Variants in AKAP10 observed in about 807,000 individuals in gnomAD.
AKAP10 encodes the protein A-kinase anchoring protein 10.
AKAP10 carries 24 observed loss-of-function variants against 80.8 expected under a neutral mutation model. That is an observed-to-expected ratio of 0.30 (90% CI 0.22 to 0.42). The LOEUF (loss-of-function observed/expected upper bound fraction) is 0.42, where lower values mean the gene tolerates loss of function less well. Ranked by LOEUF, AKAP10 falls within the 10% of genes least tolerant of loss-of-function variation. AKAP10 has a pLI of 1.00. For synonymous variants in AKAP10, 291 were observed against 277.7 expected (o/e 1.05, Z -0.48); for missense variants, 661 against 794.9 (o/e 0.83, Z 2.03).
At chr17:19,948,912 T>G (rs1388745894) in intron 4 of AKAP10, among the ~76,000 whole-genome samples, 1 of 152,198 alleles carries the variant, frequency 6.6e-6, no homozygotes. Context: ...TGCTTAGAAT[T>G]TGTGGACTGA....
rs544127687 is a variant in AKAP10 at position 19,924,278 on chromosome 17, C to T, written c.1751+130G>A. The T allele has an allele frequency of 2.8e-5, 17 of 605,294 alleles. No individual in the cohort carries two copies. In the East Asian group the frequency reaches 5.2e-4, roughly 19 times the overall value. 37.5% of individuals were successfully genotyped at this position (605,294 alleles called of 1,614,324 possible). The stretch of plus-strand genomic sequence containing the variant: ...CTTTATACTTAACCACCACATTATA[C>T]TGCACACTCTAAGTGAAAGTTCTGG... On this transcript the variant is annotated intron_variant, in intron 11 of 14. Coordinates refer to ENST00000225737, the MANE Select transcript of AKAP10 (RefSeq NM_007202.4).
At chr17:19,953,578 A>T (rs1187519441) in intron 4 of AKAP10, among the ~76,000 whole-genome samples, 1 of 152,192 alleles carries the variant, frequency 6.6e-6, no homozygotes, top group East Asian at 1.9e-4. Context: ...GAAATGCTAT[A>T]AATAATTACA....
At chr17:19,927,405 GAAGAA>G (rs1238784616) in intron 10 of AKAP10, among the ~76,000 whole-genome samples, 1 of 152,086 alleles carries the variant, frequency 6.6e-6, no homozygotes, top group Non-Finnish European at 1.5e-5. Flanking sequence ...CTCACAGAAT[GAAGAA>G]AATACCTGGA....
chr17:19,923,119 G>A (rs757917521), intron 11 of AKAP10, among the ~76,000 whole-genome samples: 3 of 151,734 alleles, frequency 2.0e-5, no homozygotes, highest in Non-Finnish European at 2.9e-5. Context: ...ACTCTGTCGC[G>A]CAGGCTGCAG....
In AKAP10 at chr17:19,947,430, T is replaced by G; in HGVS notation, c.953A>C (p.Glu318Ala). The G allele has an allele frequency of 6.2e-7, 1 of 1,610,812 alleles. No homozygotes were observed. Among genetic ancestry groups the G allele is most frequent in the South Asian group, 1.1e-5 (1 of 91,008 alleles). ...PDAAKPIPIT[E>A]AMRNDIIARI... ...ACCTATGATGTCATTTCTCATTGCTTCTGTAATTGGTATTGGTTTAGCAGC... is the reference window on the plus strand; with the variant it reads ...ACCTATGATGTCATTTCTCATTGCTGCTGTAATTGGTATTGGTTTAGCAGC... Residue 318 changes from glutamate to alanine, a missense_variant, in exon 5 of 15, where the codon GAA becomes GCA. Coordinates refer to ENST00000225737, the MANE Select transcript of AKAP10 (RefSeq NM_007202.4).
intron 11 of AKAP10, among the ~76,000 whole-genome samples, chr17:19,920,947 A>C (rs2042806536): frequency 7.0e-6 from 1 of 142,772 alleles, no homozygotes; most frequent in African/African-American, 2.6e-5. Context: ...AGTATCGAGA[A>C]ACATAGAGAA....
At chr17:19,969,466 C>A (rs1219599777) in intron 1 of AKAP10, among the ~76,000 whole-genome samples, 1 of 151,812 alleles carries the variant, frequency 6.6e-6, no homozygotes, top group African/African-American at 2.4e-5. Context: ...TAGGAAGGTG[C>A]CCAGCAGCTT....
At chr17:19,924,285 C>T (rs776545337) in intron 11 of AKAP10, 123 bp downstream of exon 11, 1 of 652,302 alleles carries the variant, frequency 1.5e-6, no homozygotes, top group Non-Finnish European at 2.5e-6. Flanking sequence ...ATACTGCACA[C>T]TCTAAGTGAA....
At position 19,958,042 on chromosome 17, in the gene AKAP10, T is replaced by C. The variant is rs1226494002; in HGVS notation, c.849A>G (p.Leu283=). The change falls in exon 4 of 15, where the codon CTA becomes CTG. Residue 283 remains leucine, a synonymous_variant. Coordinates refer to ENST00000225737, the MANE Select transcript of AKAP10 (RefSeq NM_007202.4). ...VASRNSPASP[L]KELSGKLMKS... is the part of the protein sequence containing the mutation. ...TCATTAGTTTTCCTGACAATTCTTT[T>C]AGTGGAGAAGCGGGACTATTTCTAC... is the stretch of plus-strand genomic sequence containing the variant. 2 of 1,612,328 alleles carry C rather than the reference T, an allele frequency of 1.2e-6. No homozygotes were observed. The highest frequency in any genetic ancestry group is 3.4e-5 in the Admixed American group (2 of 59,626).
chr17:19,932,011 G>C (rs370507777), intron 9 of AKAP10, 33 bp from the exon 10 acceptor site: 6 of 1,574,674 alleles, frequency 3.8e-6, no homozygotes, highest in Non-Finnish European at 5.2e-6. Context: ...TTTTAAAGTT[G>C]AAATCAAATC....
chr17:19,954,912 A>T (rs1482348979), intron 4 of AKAP10, among the ~76,000 whole-genome samples: 1 of 151,902 alleles, frequency 6.6e-6, no homozygotes, highest in African/African-American at 2.4e-5. Flanking sequence ...GACAAGTTGA[A>T]TGTAAATTTA....
chr17:19,953,087 G>A (rs2043233833), intron 4 of AKAP10, among the ~76,000 whole-genome samples: 1 of 151,998 alleles, frequency 6.6e-6, no homozygotes, highest in Non-Finnish European at 1.5e-5. Flanking sequence ...ATAATGAAAT[G>A]AGAAATAAAT....
Position 19,929,944 on chromosome 17 carries a change from T to A in AKAP10, c.1641+1861A>T, listed in dbSNP as rs548927382. On this transcript the variant is annotated intron_variant, in intron 10 of 14. Coordinates refer to ENST00000225737, the MANE Select transcript of AKAP10 (RefSeq NM_007202.4). ...GTGAGCCACGATCGTGCCATTGCAC[T>A]CCAGCCTGGGCGACAGAGCAAGATG... 4.0e-4 allele frequency among the ~76,000 whole-genome samples: 56 copies of A among 140,960 alleles called. 1 individual carries two copies. The South Asian group carries it at 0.012, about 31-fold the overall frequency. 92.5% of individuals were successfully genotyped at this position (140,960 alleles called of 152,430 possible).
chr17:19,968,569 AG>A (rs1277477878), intron 1 of AKAP10, 108 bp from the exon 2 acceptor site: 1 of 917,782 alleles, frequency 1.1e-6, no homozygotes, highest in East Asian at 2.5e-5. Flanking sequence ...TCAAAGTTCT[AG>A]AACAATGGAC....
chr17:19,926,982 G>C (rs913619141), intron 10 of AKAP10, among the ~76,000 whole-genome samples: 2 of 152,268 alleles, frequency 1.3e-5, no homozygotes, highest in African/African-American at 4.8e-5. Context: ...AATTAGCCAG[G>C]CATGGTGGTG....
intron 10 of AKAP10, 149 bp downstream of exon 10, chr17:19,931,656 G>T: frequency 1.1e-6 from 1 of 897,136 alleles, no homozygotes; most frequent in African/African-American, 1.7e-5. Context: ...CTCCCAAAGT[G>T]CTGGGATTAC....
At position 19,910,400 on chromosome 17, in the gene AKAP10, G is replaced by A. The variant is rs2042677562; in HGVS notation, c.1835-422C>T. ...TTTAAAAGCTGTTGCTTCCAGATAT[G>A]GATATTCTTTTTTGTGTGATACCCC... On this transcript the variant is annotated intron_variant, in intron 12 of 14. Transcript: ENST00000225737. Among the ~76,000 whole-genome samples, 4 of 151,050 alleles carry A rather than the reference G, an allele frequency of 2.6e-5. No homozygotes were observed. In the South Asian group the frequency reaches 8.4e-4, roughly 32 times the overall value.
chr17:19,963,916 GATAA>G (rs1225994228), intron 2 of AKAP10, among the ~76,000 whole-genome samples: 1 of 151,208 alleles, frequency 6.6e-6, no homozygotes, highest in East Asian at 1.9e-4. Flanking sequence ...AACAAAAAAA[GATAA>G]AGCACACTAA....
At chr17:19,947,728 T>C (rs1174252192) in intron 4 of AKAP10, among the ~76,000 whole-genome samples, 1 of 152,172 alleles carries the variant, frequency 6.6e-6, no homozygotes, top group African/African-American at 2.4e-5. Context: ...ATGCATGAAT[T>C]TCAAAGTACT....
Sources: gnomAD v4.1 joint callset for allele counts (sites outside exome capture counted in the v4.1 genomes callset) on GRCh38, gnomAD v4.1.1 for gene constraint, MANE v1.5 for transcripts, NCBI Gene and HGNC (gene_info 2026-07-23, HGNC 2026-07-21) for gene names.